The following PIK3C2A variants were observed in gnomAD, a reference collection of about 807,000 sequenced individuals.
The protein encoded by PIK3C2A is phosphatidylinositol-4-phosphate 3-kinase catalytic subunit type 2 alpha, also known as phosphatidylinositol 4-phosphate 3-kinase C2 domain-containing subunit alpha.
In PIK3C2A, 97 loss-of-function variants were observed where a neutral mutation model predicts 204.5. That is an observed-to-expected ratio of 0.47 (90% CI 0.40 to 0.56). The LOEUF is 0.56. Ranked by LOEUF, PIK3C2A falls within the 20% of genes least tolerant of loss-of-function variation. The pLI, the probability that PIK3C2A is intolerant of heterozygous loss-of-function variation, is 0.00. For synonymous variants in PIK3C2A, 653 were observed against 664.4 expected (o/e 0.98, Z 0.26); for missense variants, 1,735 against 1,969.2 (o/e 0.88, Z 2.25).
At position 17,129,437 on chromosome 11, in the gene PIK3C2A, C is replaced by T. The variant is rs764149599; in HGVS notation, c.2262G>A (p.Leu754=). 19 of 1,607,654 alleles carry T rather than the reference C, an allele frequency of 1.2e-5. No homozygotes were observed. The East Asian group carries it at 3.6e-4, about 30-fold the overall frequency. ...TAAGGTGAAGAACTGATTCTAATGG[C>T]AATTGTGATATCTGGATAGGAAAAA... ...LIIFPIQISQ[L]PLESVLHLTL... is the part of the protein sequence containing the mutation. The change falls in exon 13 of 33, where the codon TTG becomes TTA. Residue 754 remains leucine (L), a synonymous_variant. Transcript: ENST00000691414.
rs1565275697 is a variant in PIK3C2A at position 17,150,485 on chromosome 11, AC to A, written c.1327+12del. 16 of 1,590,290 alleles carry A rather than the reference AC, an allele frequency of 1.0e-5. No individual in the cohort carries two copies. The highest frequency in any genetic ancestry group is 1.4e-5 in the African/African-American group (1 of 73,276). ...CAGAGCAAAACGAGAGGCTTGAGGA[AC>A]CATAAACCTACCATCACACGTAAAA... On this transcript the variant is annotated intron_variant, in intron 4 of 32. Coordinates refer to ENST00000691414, the MANE Select transcript of PIK3C2A (RefSeq NM_002645.4).
chr11:17,165,419 A>G (rs1223619451), intron 2 of PIK3C2A, among the ~76,000 whole-genome samples: 1 of 152,180 alleles, frequency 6.6e-6, no homozygotes. Context: ...CCATATTTGA[A>G]TATCTCCTAT....
intron 1 of PIK3C2A, among the ~76,000 whole-genome samples, chr11:17,199,063 G>A (rs1221253271): frequency 6.6e-6 from 1 of 151,248 alleles, no homozygotes; most frequent in Non-Finnish European, 1.5e-5. Flanking sequence ...AGGTTGCAGT[G>A]AGCTGAGATC....
At chr11:17,148,616 C>T in intron 5 of PIK3C2A, 51 bp downstream of exon 5, 2 of 1,556,752 alleles carry the variant, frequency 1.3e-6, no homozygotes, top group Non-Finnish European at 1.8e-6. Context: ...TAGATTAAAC[C>T]ATTAAAAATG....
At position 17,135,031 on chromosome 11, in the gene PIK3C2A, T is replaced by C; in HGVS notation, c.1898-2A>G. The C allele has an allele frequency of 6.2e-7, 1 of 1,613,146 alleles. No homozygotes were observed. On this transcript the variant is annotated splice_acceptor_variant, in intron 10 of 32. Transcript: ENST00000691414. LOFTEE classifies it high-confidence loss of function. Reference sequence around the variant, plus strand: ...CAGGATTTTCAGGATTAAGTGAGCCTAGATTAAAGAAAAAAAAAGTTAATA... The same window carrying C: ...CAGGATTTTCAGGATTAAGTGAGCCCAGATTAAAGAAAAAAAAAGTTAATA...
At chr11:17,126,085 T>C (rs1348322254) in intron 13 of PIK3C2A, among the ~76,000 whole-genome samples, 3 of 151,992 alleles carry the variant, frequency 2.0e-5, no homozygotes, top group South Asian at 2.1e-4. Context: ...GATCATGCCA[T>C]TGCACTCCAA....
chr11:17,187,889 C>G (rs149278139), intron 1 of PIK3C2A, among the ~76,000 whole-genome samples: 2 of 152,058 alleles, frequency 1.3e-5, no homozygotes, highest in African/African-American at 4.8e-5. Context: ...AGGGGACTAT[C>G]ATGACAAAAG....
At chr11:17,139,349 T>A (rs1361477468) in intron 8 of PIK3C2A, among the ~76,000 whole-genome samples, 1 of 152,104 alleles carries the variant, frequency 6.6e-6, no homozygotes, top group African/African-American at 2.4e-5. Context: ...TGCCTCAGCC[T>A]CCCGAGAAGG....
intron 1 of PIK3C2A, among the ~76,000 whole-genome samples, chr11:17,172,456 C>T (rs186744398): frequency 6.6e-6 from 1 of 152,306 alleles, no homozygotes; most frequent in African/African-American, 2.4e-5. Context: ...ATGACCACAA[C>T]TCCATGAGTG....
intron 1 of PIK3C2A, among the ~76,000 whole-genome samples, chr11:17,174,760 G>C (rs1173892345): frequency 6.6e-6 from 1 of 152,024 alleles, no homozygotes; most frequent in Non-Finnish European, 1.5e-5. Context: ...TTAGCTGGGT[G>C]TGGTGGCACG....
At chr11:17,186,276 C>A (rs1851747739) in intron 1 of PIK3C2A, among the ~76,000 whole-genome samples, 1 of 151,998 alleles carries the variant, frequency 6.6e-6, no homozygotes, top group Non-Finnish European at 1.5e-5. Context: ...CTGCCTATCA[C>A]CTTACCTTAA....
rs553394145 is a variant in PIK3C2A at position 17,195,181 on chromosome 11, G to A, written c.-66+12667C>T. 8.5e-4 allele frequency among the ~76,000 whole-genome samples: 126 copies of A among 148,658 alleles called. 1 individual carries two copies. The highest frequency in any genetic ancestry group is 2.9e-3 in the African/African-American group (118 of 40,262). On this transcript the variant is annotated intron_variant, in intron 1 of 32. Transcript: ENST00000691414. ...CATAATCCCAGCACTTTGGGAGGCC[G>A]AGGCAGGTGGATCACGAGGTTAAGA...
chr11:17,164,492 G>A (rs1850885165), intron 2 of PIK3C2A, among the ~76,000 whole-genome samples: 2 of 152,154 alleles, frequency 1.3e-5, no homozygotes, highest in African/African-American at 4.8e-5. Flanking sequence ...GCTGCAGTTA[G>A]ACTGCCTTAA....
chr11:17,141,277 C>CT (rs575166051), intron 8 of PIK3C2A: 54,745 of 133,700 alleles, frequency 0.41, 11,498 homozygotes, highest in Non-Finnish European at 0.46. Flanking sequence ...TTTTCTTTTC[C>CT]TTTTTTTTTT....
At chr11:17,154,234 C>T (rs1850514026) in intron 3 of PIK3C2A, among the ~76,000 whole-genome samples, 1 of 152,158 alleles carries the variant, frequency 6.6e-6, no homozygotes. Flanking sequence ...AGTTACTTAA[C>T]ATGGCCTAAC....
chr11:17,139,521 G>A (rs1159670935), intron 8 of PIK3C2A, among the ~76,000 whole-genome samples: 1 of 152,152 alleles, frequency 6.6e-6, no homozygotes. Flanking sequence ...ACCATGCCCT[G>A]TCTAAATTTC....
At chr11:17,139,113 A>T (rs1849970012) in intron 8 of PIK3C2A, among the ~76,000 whole-genome samples, 1 of 151,984 alleles carries the variant, frequency 6.6e-6, no homozygotes, top group Non-Finnish European at 1.5e-5. Context: ...AGGTTTCACC[A>T]CGTTGGCCAG....
chr11:17,194,717 C>G (rs897384454), intron 1 of PIK3C2A, among the ~76,000 whole-genome samples: 10 of 152,008 alleles, frequency 6.6e-5, no homozygotes, highest in Non-Finnish European at 1.5e-4. Context: ...CAAGACCAGC[C>G]TCACCAACAT....
At position 17,137,423 on chromosome 11, in the gene PIK3C2A, C is replaced by CTTTTTTTTTTTTTTT. The variant is rs33912263; in HGVS notation, c.1705-799_1705-798insAAAAAAAAAAAAAAA. Among the ~76,000 whole-genome samples, 23 of 125,060 alleles carry CTTTTTTTTTTTTTTT rather than the reference C, an allele frequency of 1.8e-4. 7 individuals are homozygous for CTTTTTTTTTTTTTTT. Among genetic ancestry groups the CTTTTTTTTTTTTTTT allele is most frequent in the African/African-American group, 1.8e-4 (6 of 33,784 alleles). The allele number at this position is 125,060 out of a possible 152,430, so 82.0% of individuals were successfully genotyped here. Reference sequence around the variant, plus strand: ...CCTATATTACTTCATATTACTTTGCCTTTTTTTTTGAGACGGACTCTCATT... The same window carrying CTTTTTTTTTTTTTTT: ...CCTATATTACTTCATATTACTTTGCCTTTTTTTTTTTTTTTTTTTTTTTTGAGACGGACTCTCATT... On this transcript the variant is annotated intron_variant, in intron 8 of 32. Transcript: ENST00000691414.
Sources: gnomAD v4.1 joint callset for allele counts (sites outside exome capture counted in the v4.1 genomes callset) on GRCh38, gnomAD v4.1.1 for gene constraint, MANE v1.5 for transcripts, NCBI Gene and HGNC (gene_info 2026-07-23, HGNC 2026-07-21) for gene names.